RGS9: variants seen among roughly 807,000 people sequenced by gnomAD.
RGS9 encodes regulator of G-protein signalling 9.
In RGS9, 78 loss-of-function variants were observed where a neutral mutation model predicts 102.0. That is an observed-to-expected ratio of 0.76 (90% CI 0.64 to 0.92). The LOEUF (loss-of-function observed/expected upper bound fraction) is 0.92. RGS9 is among the 40% of genes least tolerant of loss of function. The probability of loss-of-function intolerance (pLI) is 0.00; values close to 1 mark genes in which losing one functional copy is unlikely to be tolerated. For synonymous variants in RGS9, 353 were observed against 318.6 expected (o/e 1.11, Z -1.15); for missense variants, 833 against 866.1 (o/e 0.96, Z 0.48).
chr17:65,147,799 C>T (rs570505666), intron 1 of RGS9, among the ~76,000 whole-genome samples: 10 of 151,866 alleles, frequency 6.6e-5, no homozygotes, highest in East Asian at 1.9e-4. Context: ...CCATGTTGGC[C>T]GGGCTGGTGT....
chr17:65,183,205 C>T (rs1380406897), intron 9 of RGS9, among the ~76,000 whole-genome samples: 2 of 152,182 alleles, frequency 1.3e-5, no homozygotes, highest in African/African-American at 4.8e-5. Context: ...CCACTGCAAC[C>T]TCCGCCTCCT....
At chr17:65,215,716 A>T (rs1353623015) in intron 17 of RGS9, among the ~76,000 whole-genome samples, 1 of 129,102 alleles carries the variant, frequency 7.7e-6, no homozygotes, top group Non-Finnish European at 1.6e-5. Flanking sequence ...ACCCACCACC[A>T]CGCCTGGCTA....
At position 65,203,633 on chromosome 17, in the gene RGS9, C is replaced by T. The variant is rs955039613; in HGVS notation, c.1065-530C>T. Among the ~76,000 whole-genome samples the T allele has an allele frequency of 2.4e-4, 36 of 152,320 alleles. 1 individual carries two copies. Among genetic ancestry groups the T allele is most frequent in the Non-Finnish European group, 2.5e-4 (17 of 68,024 alleles). ...GAGCCACGGGCTCAGGAAGTGTGGC[C>T]AAGTTTGGTCTAATTGGGAGCCTTG... On this transcript the variant is annotated intron_variant, in intron 14 of 18. Coordinates refer to ENST00000262406, the MANE Select transcript of RGS9 (RefSeq NM_003835.4).
intron 1 of RGS9, among the ~76,000 whole-genome samples, chr17:65,148,166 GGTATTTGTC>G (rs1450725441): frequency 6.6e-6 from 1 of 152,152 alleles, no homozygotes; most frequent in East Asian, 1.9e-4. Flanking sequence ...GGAATCGTGT[GGTATTTGTC>G]CTTCTGTGAC....
At chr17:65,168,587 G>A (rs1296470728) in intron 8 of RGS9, among the ~76,000 whole-genome samples, 5 of 146,252 alleles carry the variant, frequency 3.4e-5, no homozygotes, top group Non-Finnish European at 5.9e-5. Flanking sequence ...TCATACCTTG[G>A]GAAAGGAATA....
Position 65,144,534 on chromosome 17 carries a change from G to C in RGS9, c.57+6937G>C, listed in dbSNP as rs1910282092. ...TCAGACAGGGTCCCGCGGTGGCCTGGTTGTGCAGCACTGACATGTTGCCTG... is the reference window on the plus strand; with the variant it reads ...TCAGACAGGGTCCCGCGGTGGCCTGCTTGTGCAGCACTGACATGTTGCCTG... On this transcript the variant is annotated intron_variant, in intron 1 of 18. Transcript: ENST00000262406. Among the ~76,000 whole-genome samples, 4 of 152,224 alleles carry C rather than the reference G, an allele frequency of 2.6e-5. No individual in the cohort carries two copies. In the South Asian group the frequency reaches 8.3e-4, roughly 32 times the overall value.
At chr17:65,178,814 A>G (rs965330499) in intron 9 of RGS9, among the ~76,000 whole-genome samples, 7 of 152,132 alleles carry the variant, frequency 4.6e-5, no homozygotes, top group African/African-American at 1.7e-4. Context: ...TCAGATAGAC[A>G]ATTCTTTGGT....
In RGS9 at chr17:65,173,651, G is replaced by A. The variant is rs1911506046; in HGVS notation, c.583-4081G>A. Among the ~76,000 whole-genome samples the A allele has an allele frequency of 6.6e-6, 1 of 152,236 alleles. No homozygotes were observed. The highest frequency in any genetic ancestry group is 2.4e-5 in the African/African-American group (1 of 41,462). On this transcript the variant is annotated intron_variant, in intron 8 of 18. Coordinates refer to ENST00000262406, the MANE Select transcript of RGS9 (RefSeq NM_003835.4). The surrounding 1 kb of genome is among the most constrained non-coding windows in gnomAD (Gnocchi z 4.8). ...TGCATGAGGCACCAGGGCAGAAAGT[G>A]CCTGCTGCCTCCTTATCTGCGGGCC... is the stretch of plus-strand genomic sequence containing the variant.
Position 65,225,456 on chromosome 17 carries a change from T to G in RGS9, c.1862T>G (p.Leu621Arg). The G allele has an allele frequency of 6.2e-7, 1 of 1,605,254 alleles. No individual in the cohort carries two copies. Reference protein sequence around the residue: ...VQPLGDVGQQLPRLKSKRVAN... With the variant: ...VQPLGDVGQQRPRLKSKRVAN... ...CCCCTGGGGGACGTGGGCCAGCAGCTGCCACGATTGAAATCCAAGAGAGTA... is the reference window on the plus strand; with the variant it reads ...CCCCTGGGGGACGTGGGCCAGCAGCGGCCACGATTGAAATCCAAGAGAGTA... Residue 621 changes from leucine (L) to arginine (R), a missense_variant, in exon 18 of 19, where the codon CTG becomes CGG. Coordinates refer to ENST00000262406, the MANE Select transcript of RGS9 (RefSeq NM_003835.4).
chr17:65,163,121 G>C, intron 7 of RGS9, 32 bp downstream of exon 7: 1 of 1,132,874 alleles, frequency 8.8e-7, no homozygotes, highest in Admixed American at 1.8e-5. Flanking sequence ...TTGTCCTCTC[G>C]GTGTCTTTCC....
intron 3 of RGS9, 160 bp downstream of exon 3, chr17:65,158,505 A>G (rs2143988729): frequency 1.3e-6 from 1 of 757,212 alleles, no homozygotes; most frequent in Non-Finnish European, 2.4e-6. Flanking sequence ...AAGCAAAGGC[A>G]GGATAATTTG....
intron 11 of RGS9, among the ~76,000 whole-genome samples, chr17:65,191,473 G>T (rs960501774): frequency 6.6e-6 from 1 of 152,044 alleles, no homozygotes; most frequent in African/African-American, 2.4e-5. Context: ...ACTTTGGGAG[G>T]CTGGGGTGGG....
intron 3 of RGS9, chr17:65,158,589 G>A: frequency 3.4e-6 from 2 of 584,392 alleles, no homozygotes; most frequent in Admixed American, 5.0e-5. Context: ...ACTCAGTCAA[G>A]AAAGTCCTGG....
At chr17:65,195,978 A>C (rs1273017855) in intron 12 of RGS9, among the ~76,000 whole-genome samples, 2 of 152,250 alleles carry the variant, frequency 1.3e-5, no homozygotes, top group Non-Finnish European at 2.9e-5. Context: ...GGGACCCAGC[A>C]ATCTGTTTCA....
At chr17:65,186,174 ATT>A (rs1912112369) in intron 9 of RGS9, among the ~76,000 whole-genome samples, 1 of 142,918 alleles carries the variant, frequency 7.0e-6, no homozygotes. Flanking sequence ...TTATTTATTT[ATT>A]TATTTATTTA....
chr17:65,172,907 C>CT (rs1237503038), intron 8 of RGS9, among the ~76,000 whole-genome samples: 1 of 151,598 alleles, frequency 6.6e-6, no homozygotes, highest in Non-Finnish European at 1.5e-5. Context: ...ATCTCTATTT[C>CT]TTTTTTCTTT....
chr17:65,205,073 C>G (rs1055383443), intron 15 of RGS9, among the ~76,000 whole-genome samples: 10 of 152,046 alleles, frequency 6.6e-5, no homozygotes, highest in Admixed American at 2.6e-4. Flanking sequence ...AGATAGCCCT[C>G]TGGATTATTA....
intron 8 of RGS9, among the ~76,000 whole-genome samples, chr17:65,174,885 A>C (rs1322491822): frequency 6.6e-6 from 1 of 152,138 alleles, no homozygotes; most frequent in Non-Finnish European, 1.5e-5. Context: ...AGAGAGAGCG[A>C]GTATGTGAAA....
At chr17:65,190,547 G>T (rs976506070) in intron 11 of RGS9, among the ~76,000 whole-genome samples, 12 of 152,152 alleles carry the variant, frequency 7.9e-5, no homozygotes, top group Non-Finnish European at 1.2e-4. Context: ...GACCCTGTGA[G>T]GATCCAAGAC....
Sources: gnomAD v4.1 joint callset for allele counts (sites outside exome capture counted in the v4.1 genomes callset) on GRCh38, gnomAD v4.1.1 for gene constraint, Gnocchi (gnomAD v3.1) non-coding constraint, MANE v1.5 for transcripts, NCBI Gene and HGNC (gene_info 2026-07-23, HGNC 2026-07-21) for gene names.